The following INPPL1 variants were observed in gnomAD, a reference collection of about 807,000 sequenced individuals.
INPPL1 encodes inositol polyphosphate phosphatase like 1, also known as phosphatidylinositol 3,4,5-trisphosphate 5-phosphatase 2.
A neutral mutation model predicts 139.3 loss-of-function variants in INPPL1; 91 were observed. The observed-to-expected ratio is 0.65, with a 90% CI of 0.55 to 0.78. The LOEUF is 0.78. Ranked by LOEUF, INPPL1 falls within the 30% of genes least tolerant of loss-of-function variation. INPPL1 has a pLI of 0.00. For synonymous variants in INPPL1, 719 were observed against 686.6 expected (o/e 1.05, Z -0.74); for missense variants, 1,411 against 1,665.6 (o/e 0.85, Z 2.66).
chr11:72,226,177 CTTTTTTTTTTT>C (rs772547413), intron 1 of INPPL1, among the ~76,000 whole-genome samples: 1 of 129,820 alleles, frequency 7.7e-6, no homozygotes, highest in South Asian at 2.5e-4. Flanking sequence ...CAGGGGAGAC[CTTTTTTTTTTT>C]TTTTTTTTTT....
intron 25 of INPPL1, among the ~76,000 whole-genome samples, chr11:72,236,641 A>C (rs1948995898): frequency 6.6e-6 from 1 of 152,174 alleles, no homozygotes; most frequent in Non-Finnish European, 1.5e-5. Flanking sequence ...AAACTTACAT[A>C]AACTCCTAGG....
chr11:72,236,105 CTG>C (rs1948984258), intron 25 of INPPL1, 119 bp downstream of exon 25: 3 of 648,436 alleles, frequency 4.6e-6, no homozygotes, highest in Non-Finnish European at 8.0e-6. Flanking sequence ...CCCTGCCACT[CTG>C]TGGTTGGAGC....
Position 72,234,732 on chromosome 11 carries a change from AGTGTGTGTGTGTGTGTGTGTGT to A in INPPL1, c.2415+128_2415+149del, listed in dbSNP as rs112903949. On this transcript the variant is annotated intron_variant, in intron 21 of 27. Coordinates refer to ENST00000298229, the MANE Select transcript of INPPL1 (RefSeq NM_001567.4). The surrounding 1 kb of genome is among the most constrained non-coding windows in gnomAD (Gnocchi z 4.2). ...GGGGCCAGCAGAGAGAGAGAGAGAG[AGTGTGTGTGTGTGTGTGTGTGT>A]GTGTGTGTGTATGGGCATGGGCATG... 15 of 528,412 alleles carry A rather than the reference AGTGTGTGTGTGTGTGTGTGTGT, an allele frequency of 2.8e-5. No homozygotes were observed. The highest frequency in any genetic ancestry group is 4.7e-5 in the Non-Finnish European group (14 of 298,680). The allele number at this position is 528,412 out of a possible 1,614,324, so 32.7% of individuals were successfully genotyped here.
At position 72,234,987 on chromosome 11, in the gene INPPL1, G is replaced by T; in HGVS notation, c.2416-129G>T. On this transcript the variant is annotated intron_variant, in intron 21 of 27. Transcript: ENST00000298229. The surrounding 1 kb of genome is among the most constrained non-coding windows in gnomAD (Gnocchi z 4.2). ...TGCATTAAGGATTTGGCTCTTCTCTGAAGAGTTGAGTGTGAGTGAGCACAG... is the reference window on the plus strand; with the variant it reads ...TGCATTAAGGATTTGGCTCTTCTCTTAAGAGTTGAGTGTGAGTGAGCACAG... The T allele has an allele frequency of 2.7e-6, 2 of 748,314 alleles. No individual in the cohort carries two copies. The highest frequency in any genetic ancestry group is 1.7e-5 in the South Asian group (1 of 57,838). The allele number at this position is 748,314 out of a possible 1,614,324, so 46.4% of individuals were successfully genotyped here. A position where few individuals can be genotyped will look rare whatever the true frequency, so the allele number is the denominator to read the frequency against.
At position 72,234,514 on chromosome 11, in the gene INPPL1, AC is replaced by A; in HGVS notation, c.2327-8del. ...GGTGGTGCTCAGTTGGGTGTCTCCC[AC>A]CCCCACCCCAGAATACAAGAAGAGC... On this transcript the variant is annotated splice_polypyrimidine_tract_variant and intron_variant, in intron 20 of 27. Coordinates refer to ENST00000298229, the MANE Select transcript of INPPL1 (RefSeq NM_001567.4). This position sits in a 1 kb window ranked among gnomAD's most constrained non-coding sequence, Gnocchi z 4.2. The A allele has an allele frequency of 2.3e-6, 3 of 1,312,194 alleles. No homozygotes were observed. The highest frequency in any genetic ancestry group is 2.3e-5 in the East Asian group (1 of 43,216). 81.3% of individuals were successfully genotyped at this position (1,312,194 alleles called of 1,614,324 possible).
At chr11:72,233,393 C>T (rs1482602194) in intron 17 of INPPL1, 48 bp from the exon 18 acceptor site, 10 of 1,540,226 alleles carry the variant, frequency 6.5e-6, no homozygotes, top group Admixed American at 1.7e-5. Flanking sequence ...CCATGCCAAG[C>T]AGCCTCCTAG....
In INPPL1 at chr11:72,238,109, C is replaced by T. The variant is rs773185298; in HGVS notation, c.3620C>T (p.Ala1207Val). The change falls in exon 27 of 28, where the codon GCC (alanine) becomes GTC (valine). Residue 1207 changes from alanine (A) to valine (V), a missense_variant. Physicochemically the swap from Ala to Val is moderately conservative, Grantham distance 64. Transcript: ENST00000298229. ...GEAGMSAWLR[A>V]IGLERYEEGL... ...GCAGGCATGAGTGCCTGGCTGCGGG[C>T]CATCGGCTTGGAGCGCTATGAGGAG... The T allele has an allele frequency of 1.3e-6, 2 of 1,579,230 alleles. No individual in the cohort carries two copies. The highest frequency in any genetic ancestry group is 1.7e-6 in the Non-Finnish European group (2 of 1,162,642).
rs1948948960 is a variant in INPPL1, at chr11:72,235,129, T to C, written c.2429T>C (p.Leu810Pro). 6.2e-7 allele frequency: 1 copy of C among 1,613,850 alleles called. No individual in the cohort carries two copies. The highest frequency in any genetic ancestry group is 2.2e-5 in the East Asian group (1 of 44,876). ...CCTGCTTCCCAGCTCAAACCAATTC[T>C]GGCTGATATCGAGTACCTGCAGGAC... ...SRQLPTLKPI[L>P]ADIEYLQDQH... Residue 810 changes from leucine (L) to proline (P), a missense_variant, in exon 22 of 28, where the codon CTG becomes CCG. Transcript: ENST00000298229. The surrounding 1 kb of genome is among the most constrained non-coding windows in gnomAD (Gnocchi z 4.9).
At position 72,232,930 on chromosome 11, in the gene INPPL1, A is replaced by T; in HGVS notation, c.1907A>T (p.Gln636Leu). The T allele has an allele frequency of 6.2e-7, 1 of 1,614,146 alleles. No homozygotes were observed. ...TTTGAGCCCCTCCTCAGGGTGGACC[A>T]GCTCAACCTGGAGCGGGAGAAGCAC... ...KEFEPLLRVD[Q>L]LNLEREKHKV... Residue 636 changes from glutamine (Q) to leucine (L), a missense_variant, in exon 16 of 28, where the codon CAG becomes CTG. Coordinates refer to ENST00000298229, the MANE Select transcript of INPPL1 (RefSeq NM_001567.4).
At position 72,232,994 on chromosome 11, in the gene INPPL1, G is replaced by A. The variant is rs768812515; in HGVS notation, c.1951+20G>A. On this transcript the variant is annotated intron_variant, in intron 16 of 27. Coordinates refer to ENST00000298229, the MANE Select transcript of INPPL1 (RefSeq NM_001567.4). ...GATTCAGTGAGTGTGGGCCTGGTAG[G>A]TGGTGATCTGAGGGCTAGGAGACTT... 27 of 1,612,888 alleles carry A rather than the reference G, an allele frequency of 1.7e-5. No homozygotes were observed. The highest frequency in any genetic ancestry group is 3.3e-5 in the Admixed American group (2 of 60,020).
intron 19 of INPPL1, 98 bp downstream of exon 19, chr11:72,233,842 G>T (rs1380182275): frequency 3.2e-6 from 3 of 929,912 alleles, no homozygotes; most frequent in Non-Finnish European, 3.5e-6. Flanking sequence ...AAGTGTGTGT[G>T]TGGGTGTGTG....
chr11:72,232,576 GCCCTGA>G (rs1276668208), intron 14 of INPPL1, 44 bp from the exon 15 acceptor site: 3 of 1,601,220 alleles, frequency 1.9e-6, no homozygotes, highest in African/African-American at 2.7e-5. Flanking sequence ...CTGACTTCTG[GCCCTGA>G]CCCTGGGGAT....
At position 72,230,844 on chromosome 11, in the gene INPPL1, T is replaced by C. The variant is rs1402591105; in HGVS notation, c.1246T>C (p.Ser416Pro). ...GTTGCAGCTCATGAAGAACAAGCAC[T>C]CCAAGCAGGACGAGCCCGACATGAT... is the stretch of plus-strand genomic sequence containing the variant. ...QLLQLMKNKH[S>P]KQDEPDMISV... Residue 416 changes from serine to proline, a missense_variant, in exon 11 of 28, where the codon TCC (serine) becomes CCC (proline). By Grantham distance (74) the Ser-to-Pro change is moderately conservative. Coordinates refer to ENST00000298229, the MANE Select transcript of INPPL1 (RefSeq NM_001567.4). 2.5e-6 allele frequency: 4 copies of C among 1,613,672 alleles called. No individual in the cohort carries two copies. In the African/African-American group the frequency reaches 4.0e-5, roughly 16 times the overall value.
chr11:72,235,010 C>A lies in INPPL1; in HGVS notation c.2416-106C>A. ...CTGAAGAGTTGAGTGTGAGTGAGCA[C>A]AGATGACCTGAGGGTGGGGATTGAG... On this transcript the variant is annotated intron_variant, in intron 21 of 27. Coordinates refer to ENST00000298229, the MANE Select transcript of INPPL1 (RefSeq NM_001567.4). This position sits in a 1 kb window ranked among gnomAD's most constrained non-coding sequence, Gnocchi z 4.9. 1 of 886,418 alleles carries A rather than the reference C, an allele frequency of 1.1e-6. No individual in the cohort carries two copies. The highest frequency in any genetic ancestry group is 1.8e-6 in the Non-Finnish European group (1 of 554,852). 54.9% of individuals were successfully genotyped at this position (886,418 alleles called of 1,614,324 possible).
Position 72,234,636 on chromosome 11 carries a change from C to G in INPPL1, c.2415+21C>G, listed in dbSNP as rs1948930213. The G allele has an allele frequency of 6.3e-7, 1 of 1,584,756 alleles. No homozygotes were observed. Among genetic ancestry groups the G allele is most frequent in the Admixed American group, 1.7e-5 (1 of 59,784 alleles). On this transcript the variant is annotated intron_variant, in intron 21 of 27. Coordinates refer to ENST00000298229, the MANE Select transcript of INPPL1 (RefSeq NM_001567.4). The surrounding 1 kb of genome is among the most constrained non-coding windows in gnomAD (Gnocchi z 4.2). The stretch of plus-strand genomic sequence containing the variant: ...CCACGGTGAGGCTGTGGGCAGGGCC[C>G]CTGCTTATGGGTGAGGGCACAGAGA...
At chr11:72,229,808 G>T in intron 7 of INPPL1, 56 bp downstream of exon 7, 1 of 1,556,700 alleles carries the variant, frequency 6.4e-7, no homozygotes. Context: ...CATTGGCCTA[G>T]CACTGATCTC....
rs2135430644 is a variant in INPPL1, at chr11:72,231,596, T to C, written c.1596T>C (p.Thr532=). The change falls in exon 13 of 28, where the codon ACT becomes ACC. Residue 532 remains threonine (T), a synonymous_variant. Coordinates refer to ENST00000298229, the MANE Select transcript of INPPL1 (RefSeq NM_001567.4). ...ATGTCAGTACGTCCAGTGTGAAGAC[T>C]GGCATCGCCAACACCCTGGGTAAGT... The part of the protein sequence containing the change: ...ISHVSTSSVK[T]GIANTLGNKG... 2.5e-6 allele frequency: 4 copies of C among 1,613,388 alleles called. No individual in the cohort carries two copies. The Middle Eastern group carries it at 5.3e-4, about 213-fold the overall frequency.
At chr11:72,233,618 T>G in intron 18 of INPPL1, 37 bp from the exon 19 acceptor site, 1 of 1,606,514 alleles carries the variant, frequency 6.2e-7, no homozygotes, top group East Asian at 2.2e-5. Flanking sequence ...GGTGGGAATA[T>G]TCCCCCTGAG....
rs772149044 is a variant in INPPL1 at position 72,238,106 on chromosome 11, G to A, written c.3617G>A (p.Arg1206Gln). 6.9e-6 allele frequency: 11 copies of A among 1,583,844 alleles called. No homozygotes were observed. Among genetic ancestry groups the A allele is most frequent in the Non-Finnish European group, 9.4e-6 (11 of 1,164,622 alleles). Residue 1206 changes from arginine to glutamine, a missense_variant, in exon 27 of 28, where the codon CGG (arginine) becomes CAG (glutamine). By Grantham distance (43) the Arg-to-Gln change is conservative. Around this residue, in one of 5 missense-constraint regions of INPPL1, gnomAD observed 438 missense variants for 425.7 expected, o/e 1.03. Transcript: ENST00000298229. Reference protein sequence around the residue: ...LGEAGMSAWLRAIGLERYEEG... With the variant: ...LGEAGMSAWLQAIGLERYEEG... Reference sequence around the variant, plus strand: ...GAGGCAGGCATGAGTGCCTGGCTGCGGGCCATCGGCTTGGAGCGCTATGAG... The same window carrying A: ...GAGGCAGGCATGAGTGCCTGGCTGCAGGCCATCGGCTTGGAGCGCTATGAG...
Sources: gnomAD v4.1 joint callset for allele counts (sites outside exome capture counted in the v4.1 genomes callset) on GRCh38, gnomAD v4.1.1 for gene constraint, gnomAD v4.1.1 regional missense constraint, Gnocchi (gnomAD v3.1) non-coding constraint, MANE v1.5 for transcripts, NCBI Gene and HGNC (gene_info 2026-07-23, HGNC 2026-07-21) for gene names.